SORCS1: variants seen among roughly 807,000 people sequenced by gnomAD.
SORCS1 encodes the protein VPS10 domain-containing receptor SorCS1.
A neutral mutation model predicts 146.1 loss-of-function variants in SORCS1; 60 were observed. That is an observed-to-expected ratio of 0.41 (90% CI 0.33 to 0.51). SORCS1 has a LOEUF of 0.51. SORCS1 is among the 20% of genes least tolerant of loss of function. The pLI is 0.21. For synonymous variants in SORCS1, 637 were observed against 584.0 expected (o/e 1.09, Z -1.31); for missense variants, 1,352 against 1,487.6 (o/e 0.91, Z 1.50).
intron 6 of SORCS1, among the ~76,000 whole-genome samples, chr10:106,728,011 T>C (rs957931352): frequency 2.0e-5 from 3 of 151,434 alleles, no homozygotes; most frequent in Non-Finnish European, 4.4e-5. Flanking sequence ...TAGCTCTTTA[T>C]CATCAAAGCA....
intron 1 of SORCS1, among the ~76,000 whole-genome samples, chr10:107,014,942 A>T (rs1338533296): frequency 6.6e-6 from 1 of 152,164 alleles, no homozygotes; most frequent in African/African-American, 2.4e-5. Context: ...TATGGTCAGG[A>T]TCACCCTTCC....
intron 4 of SORCS1, among the ~76,000 whole-genome samples, chr10:106,762,995 T>TC (rs1859259936): frequency 6.6e-6 from 1 of 151,996 alleles, no homozygotes; most frequent in Non-Finnish European, 1.5e-5. Flanking sequence ...CTTTGTCTTC[T>TC]TTTTTTTAAG....
intron 2 of SORCS1, among the ~76,000 whole-genome samples, chr10:106,948,274 A>G (rs1031442626): frequency 1.7e-5 from 2 of 116,334 alleles, no homozygotes; most frequent in African/African-American, 6.5e-5. Flanking sequence ...GTAAGAAACT[A>G]TTTACAGTTT....
intron 2 of SORCS1, among the ~76,000 whole-genome samples, chr10:106,948,878 A>ATGAACC (rs1425050775): frequency 1.4e-4 from 21 of 152,004 alleles, no homozygotes; most frequent in Admixed American, 1.4e-3. Flanking sequence ...GGAGAATGGC[A>ATGAACC]TGAACCTGGG....
intron 17 of SORCS1, among the ~76,000 whole-genome samples, chr10:106,666,417 G>A (rs529694489): frequency 1.3e-5 from 2 of 152,174 alleles, no homozygotes; most frequent in African/African-American, 4.8e-5. Context: ...TGGTTCTATG[G>A]TTTCAGGCCT....
chr10:107,158,594 C>G (rs1365190004), intron 1 of SORCS1, among the ~76,000 whole-genome samples: 1 of 152,238 alleles, frequency 6.6e-6, no homozygotes, highest in Non-Finnish European at 1.5e-5. Flanking sequence ...GAACGTACAT[C>G]TCCTGCTGTC....
intron 1 of SORCS1, among the ~76,000 whole-genome samples, chr10:107,020,911 G>A (rs536073555): frequency 1.1e-4 from 16 of 151,756 alleles, no homozygotes; most frequent in Middle Eastern, 3.4e-3. Context: ...CATTGTACAC[G>A]CTTTTATTTA....
intron 3 of SORCS1, among the ~76,000 whole-genome samples, chr10:106,778,300 G>A (rs542995375): frequency 1.0e-3 from 156 of 152,100 alleles, no homozygotes; most frequent in African/African-American, 3.4e-3. Context: ...CTACACTCCC[G>A]ACAAGATGAA....
intron 18 of SORCS1, among the ~76,000 whole-genome samples, chr10:106,640,989 G>A (rs576615943): frequency 4.6e-5 from 7 of 152,096 alleles, no homozygotes; most frequent in East Asian, 1.9e-4. Context: ...GCTTGTGTGC[G>A]CGTGCATGTG....
intron 1 of SORCS1, among the ~76,000 whole-genome samples, chr10:107,036,192 T>C (rs897127982): frequency 7.0e-6 from 1 of 143,162 alleles, no homozygotes; most frequent in Non-Finnish European, 1.5e-5. Context: ...GATCCTTTCA[T>C]TTTGATACAG....
intron 17 of SORCS1, among the ~76,000 whole-genome samples, chr10:106,657,131 T>C (rs1221633271): frequency 2.0e-5 from 3 of 152,172 alleles, no homozygotes; most frequent in Admixed American, 2.0e-4. Flanking sequence ...AAGAAGTCAT[T>C]ATAGCAAAAA....
intron 2 of SORCS1, among the ~76,000 whole-genome samples, chr10:106,894,380 C>CT (rs1227904696): frequency 4.6e-5 from 7 of 151,406 alleles, no homozygotes; most frequent in East Asian, 3.9e-4. Context: ...GGGTAGAAAA[C>CT]TTTTTTTTCT....
Position 106,739,414 on chromosome 10 carries a change from G to A in SORCS1, c.960-9300C>T, listed in dbSNP as rs190533927. On this transcript the variant is annotated intron_variant, in intron 5 of 25. Transcript: ENST00000263054. ...GCAGGAGAATCACTTGAACCCAGGA[G>A]GCAGAGGCCGCAGTGAGCCAAGATT... 3.6e-3 allele frequency among the ~76,000 whole-genome samples: 549 copies of A among 151,958 alleles called. 9 individuals are homozygous for A. Among genetic ancestry groups the A allele is most frequent in the African/African-American group, 0.013 (530 of 41,420 alleles).
chr10:106,991,000 G>A (rs765336493), intron 1 of SORCS1, among the ~76,000 whole-genome samples: 5 of 152,188 alleles, frequency 3.3e-5, no homozygotes, highest in Admixed American at 1.3e-4. Flanking sequence ...TTGGTTACTG[G>A]AGGTCAGTTC....
intron 10 of SORCS1, among the ~76,000 whole-genome samples, chr10:106,687,629 GGCTATAGTTT>G (rs148282066): frequency 6.6e-6 from 1 of 152,296 alleles, no homozygotes; most frequent in African/African-American, 2.4e-5. Flanking sequence ...TTTTCCCACA[GGCTATAGTTT>G]GCCAACTTCA....
At chr10:106,942,038 A>G (rs966145988) in intron 2 of SORCS1, among the ~76,000 whole-genome samples, 1 of 152,194 alleles carries the variant, frequency 6.6e-6, no homozygotes, top group East Asian at 1.9e-4. Context: ...TTCCATATAA[A>G]TGCAGAAAAA....
At chr10:106,598,285 T>G (rs1306850548) in intron 23 of SORCS1, among the ~76,000 whole-genome samples, 1 of 148,598 alleles carries the variant, frequency 6.7e-6, no homozygotes, top group Admixed American at 6.7e-5. Flanking sequence ...TTATTTGAGA[T>G]GGAGTCTTGC....
intron 15 of SORCS1, 132 bp from the exon 16 acceptor site, chr10:106,671,499 C>T: frequency 7.7e-7 from 1 of 1,298,952 alleles, no homozygotes; most frequent in Non-Finnish European, 1.1e-6. Context: ...TTTGTGCTAA[C>T]AACATTTTCC....
intron 20 of SORCS1, 120 bp from the exon 21 acceptor site, chr10:106,618,392 A>G: frequency 1.6e-6 from 2 of 1,275,470 alleles, no homozygotes; most frequent in Non-Finnish European, 2.2e-6. Flanking sequence ...GATGTACCAC[A>G]ATGGCACTGA....
Sources: allele counts gnomAD v4.1 joint callset (sites outside exome capture counted in the v4.1 genomes callset), GRCh38; gene constraint gnomAD v4.1.1; transcripts MANE v1.5; gene names NCBI Gene and HGNC (gene_info 2026-07-23, HGNC 2026-07-21).